The following TMCO5A variants were observed in gnomAD, a reference collection of about 807,000 sequenced individuals.
The protein encoded by TMCO5A is transmembrane and coiled-coil domains 5A, also known as transmembrane and coiled-coil domain-containing protein 5A.
In TMCO5A, 34 loss-of-function variants were observed where a neutral mutation model predicts 42.3. The observed-to-expected ratio is 0.80, with a 90% confidence interval of 0.61 to 1.07. The LOEUF is 1.07. Ranked by LOEUF, TMCO5A falls within the 50% of genes least tolerant of loss-of-function variation. TMCO5A has a pLI of 0.00. For synonymous variants in TMCO5A, 131 were observed against 115.6 expected (o/e 1.13, Z -0.86); for missense variants, 357 against 327.9 (o/e 1.09, Z -0.69).
downstream of TMCO5A, among the ~76,000 whole-genome samples, chr15:37,972,383 C>T (rs536371798): frequency 3.3e-5 from 5 of 152,260 alleles, no homozygotes; most frequent in African/African-American, 1.2e-4. Flanking sequence ...ACAGCCAAAC[C>T]ATATCACAGT....
At chr15:37,943,601 C>A in intron 10 of TMCO5A, 1 of 537,310 alleles carries the variant, frequency 1.9e-6, no homozygotes, top group Non-Finnish European at 3.3e-6. Flanking sequence ...CTCATTCAGC[C>A]ATACAAATAA....
chr15:37,976,396 T>A, the TMCO5A span, among the ~76,000 whole-genome samples: 1 of 152,164 alleles, frequency 6.6e-6, no homozygotes, highest in Admixed American at 6.5e-5. Flanking sequence ...GGGATAGTCA[T>A]CTTGTACAGT....
In TMCO5A at chr15:37,936,891, A is replaced by C; in HGVS notation, c.185A>C (p.Glu62Ala). Reference sequence around the variant, plus strand: ...CAGACGCGGGGCCTGGTGGAAGATGAAGAGTGGGAGAAGGAGAACCGCACC... The same window carrying C: ...CAGACGCGGGGCCTGGTGGAAGATGCAGAGTGGGAGAAGGAGAACCGCACC... ...IIQTRGLVEDEEWEKENRTTM... is the reference protein window; with the variant it reads ...IIQTRGLVEDAEWEKENRTTM... The change falls in exon 4 of 12, where the codon GAA (glutamate) becomes GCA (alanine). Residue 62 changes from glutamate (E) to alanine (A), a missense_variant. Transcript: ENST00000319669. The C allele has an allele frequency of 6.2e-7, 1 of 1,612,526 alleles. No individual in the cohort carries two copies.
chr15:38,018,893 A>T, the TMCO5A span, among the ~76,000 whole-genome samples: 5 of 152,330 alleles, frequency 3.3e-5, no homozygotes, highest in African/African-American at 1.2e-4. Context: ...AACTTCTTAC[A>T]TACAACACTA....
the TMCO5A span, among the ~76,000 whole-genome samples, chr15:37,990,845 A>G: frequency 6.6e-6 from 1 of 151,992 alleles, no homozygotes; most frequent in Admixed American, 6.6e-5. Context: ...TCAAGTTATA[A>G]TATTCTCATT....
the TMCO5A span, among the ~76,000 whole-genome samples, chr15:38,031,314 A>T: frequency 6.6e-6 from 1 of 152,120 alleles, no homozygotes; most frequent in Non-Finnish European, 1.5e-5. Flanking sequence ...TGTGGTAACC[A>T]GCCTCCAAGA....
chr15:38,007,388 A>C, the TMCO5A span, among the ~76,000 whole-genome samples: 14 of 152,348 alleles, frequency 9.2e-5, no homozygotes, highest in African/African-American at 3.4e-4. Flanking sequence ...GCTCTTCAGA[A>C]TACTTCTACC....
chr15:37,997,983 C>T, the TMCO5A span, among the ~76,000 whole-genome samples: 1 of 152,116 alleles, frequency 6.6e-6, no homozygotes, highest in African/African-American at 2.4e-5. Context: ...TGCCTGCTTG[C>T]CATTTGTATG....
At chr15:38,040,292 A>G in the TMCO5A span, 1 of 152,228 alleles carries the variant, frequency 6.6e-6, no homozygotes, top group Non-Finnish European at 1.5e-5. Context: ...CCATCCTGCT[A>G]CAACTTCCAC....
the TMCO5A span, among the ~76,000 whole-genome samples, chr15:37,988,655 A>G: frequency 1.6e-4 from 24 of 152,012 alleles, no homozygotes; most frequent in African/African-American, 4.6e-4. Flanking sequence ...ACATTGATCA[A>G]TTTTCACATG....
chr15:37,990,918 T>C, the TMCO5A span, among the ~76,000 whole-genome samples: 1 of 152,080 alleles, frequency 6.6e-6, no homozygotes, highest in Non-Finnish European at 1.5e-5. Context: ...AGCTCCATCC[T>C]CACATCCTTT....
chr15:38,021,364 G>A, the TMCO5A span, among the ~76,000 whole-genome samples: 967 of 152,280 alleles, frequency 6.4e-3, 11 homozygotes, highest in Non-Finnish European at 0.01. Context: ...CCAGGTCTGC[G>A]TGCAGCTCTC....
At chr15:38,038,708 G>A in the TMCO5A span, among the ~76,000 whole-genome samples, 6 of 152,150 alleles carry the variant, frequency 3.9e-5, no homozygotes, top group South Asian at 4.2e-4. Context: ...ACCCGGCCTC[G>A]GAAGATGAAA....
the TMCO5A span, among the ~76,000 whole-genome samples, chr15:38,036,821 G>A: frequency 6.6e-6 from 1 of 152,082 alleles, no homozygotes; most frequent in Admixed American, 6.6e-5. Flanking sequence ...ATCTTTAGAA[G>A]CTCCTCCAGG....
At chr15:37,959,644 T>C (rs901504427) in intron 11 of TMCO5A, among the ~76,000 whole-genome samples, 1 of 152,046 alleles carries the variant, frequency 6.6e-6, no homozygotes, top group Non-Finnish European at 1.5e-5. Context: ...CAATGCTTCA[T>C]GATAAAAGCC....
downstream of TMCO5A, among the ~76,000 whole-genome samples, chr15:37,970,841 C>T (rs1255295302): frequency 1.3e-5 from 2 of 152,206 alleles, no homozygotes; most frequent in Non-Finnish European, 1.5e-5. Context: ...CCAGGTCATG[C>T]TGATGCAAGA....
chr15:37,974,490 G>A, the TMCO5A span, among the ~76,000 whole-genome samples: 14 of 152,182 alleles, frequency 9.2e-5, no homozygotes, highest in African/African-American at 1.2e-4. Flanking sequence ...CTTGGGAGGC[G>A]TAGGTTTCCA....
chr15:38,011,240 C>T, the TMCO5A span, among the ~76,000 whole-genome samples: 1 of 152,112 alleles, frequency 6.6e-6, no homozygotes, highest in Non-Finnish European at 1.5e-5. Flanking sequence ...GAAGAAGGAA[C>T]TAAGGAAGAT....
chr15:38,025,944 A>G, the TMCO5A span, among the ~76,000 whole-genome samples: 1 of 152,170 alleles, frequency 6.6e-6, no homozygotes, highest in Non-Finnish European at 1.5e-5. Context: ...GCCATGTAAG[A>G]AGTGCCTTTC....
Sources: gnomAD v4.1 joint callset for allele counts (sites outside exome capture counted in the v4.1 genomes callset) on GRCh38, gnomAD v4.1.1 for gene constraint, MANE v1.5 for transcripts, NCBI Gene and HGNC (gene_info 2026-07-23, HGNC 2026-07-21) for gene names.